AKAP7: variants seen among roughly 807,000 people sequenced by gnomAD.
AKAP7 encodes the protein A-kinase anchoring protein 7, also known as A kinase (PRKA) anchor protein 7.
In AKAP7, 39 loss-of-function variants were observed where a neutral mutation model predicts 39.5. The ratio of observed to expected loss-of-function variants is 0.99; its 90% confidence interval spans 0.76 to 1.29. The LOEUF is 1.29. Among genes scored for constraint, AKAP7 ranks in the 50% most tolerant of loss-of-function variants. The pLI is 0.00. For missense variants in AKAP7, 414 were observed against 407.7 expected, an observed-to-expected ratio of 1.02 and a Z score of -0.13; for synonymous variants, 140 against 139.1, an observed-to-expected ratio of 1.01 and a Z score of -0.05.
At chr6:131,188,344 A>T (rs1320975191) in intron 5 of AKAP7, among the ~76,000 whole-genome samples, 1 of 152,206 alleles carries the variant, frequency 6.6e-6, no homozygotes, top group Non-Finnish European at 1.5e-5. Flanking sequence ...AACAACAAAA[A>T]CAGCTTTATG....
Position 131,244,620 on chromosome 6 carries a change from A to G in AKAP7, c.850+24812A>G, listed in dbSNP as rs78144913. ...TGCCGTTAAATGTTGGGCCACACAC[A>G]TAGAAAAGAACTGACTGAATAGTAA... On this transcript the variant is annotated intron_variant, in intron 7 of 7. Coordinates refer to ENST00000431975, the MANE Select transcript of AKAP7 (RefSeq NM_016377.4). Among the ~76,000 whole-genome samples, 713 of 152,342 alleles carry G rather than the reference A, an allele frequency of 4.7e-3. 10 individuals are homozygous for G. The highest frequency in any genetic ancestry group is 0.016 in the African/African-American group (680 of 41,588).
rs34423413 is a variant in AKAP7 at position 131,281,688 on chromosome 6, G to C, written c.1009G>C (p.Asp337His). The C allele has an allele frequency of 1.2e-6, 2 of 1,612,256 alleles. No homozygotes were observed. Among genetic ancestry groups the C allele is most frequent in the Non-Finnish European group, 8.5e-7 (1 of 1,179,246 alleles). Reference protein sequence around the residue: ...EGSSVKTEAADQNGNDNENNR... With the variant: ...EGSSVKTEAAHQNGNDNENNR... ...GAGCTCTGTGAAAACCGAAGCAGCT[G>C]ATCAGAATGGCAATGACAATGAGAA... Residue 337 changes from aspartate to histidine, a missense_variant, in exon 8 of 8, where the codon GAT becomes CAT. By Grantham distance (81) the Asp-to-His change is moderately conservative. Transcript: ENST00000431975. This position sits in a 1 kb window ranked among gnomAD's most constrained non-coding sequence, Gnocchi z 4.0.
chr6:131,136,645 T>G (rs2222783), intron 1 of AKAP7, among the ~76,000 whole-genome samples: 63,256 of 152,064 alleles, frequency 0.42, 14,134 homozygotes, highest in East Asian at 0.92. Flanking sequence ...CTGTATATTT[T>G]CCTTACTCAT....
At chr6:131,253,585 C>T (rs1010048448) in intron 7 of AKAP7, among the ~76,000 whole-genome samples, 5 of 152,006 alleles carry the variant, frequency 3.3e-5, no homozygotes, top group African/African-American at 1.2e-4. Flanking sequence ...ACCTATTAAC[C>T]TCTCATCATC....
intron 7 of AKAP7, among the ~76,000 whole-genome samples, chr6:131,244,991 G>A (rs536876216): frequency 6.6e-6 from 1 of 152,266 alleles, no homozygotes; most frequent in South Asian, 2.1e-4. Context: ...TAAAGTAGGA[G>A]TAATGGTTTA....
At chr6:131,143,200 A>G (rs1375463670) in intron 1 of AKAP7, among the ~76,000 whole-genome samples, 1 of 152,028 alleles carries the variant, frequency 6.6e-6, no homozygotes, top group African/African-American at 2.4e-5. Flanking sequence ...TTGCAGTGAG[A>G]TTTAGGTGGC....
intron 7 of AKAP7, among the ~76,000 whole-genome samples, chr6:131,264,175 A>G (rs752641823): frequency 1.1e-4 from 16 of 152,328 alleles, no homozygotes; most frequent in Non-Finnish European, 1.8e-4. Flanking sequence ...TGTACAAGGA[A>G]GGTGAGAGCA....
chr6:131,262,736 C>T (rs1813454647), intron 7 of AKAP7, among the ~76,000 whole-genome samples: 1 of 152,128 alleles, frequency 6.6e-6, no homozygotes, highest in South Asian at 2.1e-4. Context: ...ACTAATCTTT[C>T]AATAGTTTTG....
intron 5 of AKAP7, among the ~76,000 whole-genome samples, chr6:131,195,991 A>G (rs1806887056): frequency 6.6e-6 from 1 of 152,070 alleles, no homozygotes; most frequent in Admixed American, 6.5e-5. Context: ...GTCTTTCTCC[A>G]GGTTTGGGAA....
At chr6:131,138,245 C>T (rs1427556111) in intron 1 of AKAP7, among the ~76,000 whole-genome samples, 1 of 152,164 alleles carries the variant, frequency 6.6e-6, no homozygotes, top group Non-Finnish European at 1.5e-5. Context: ...TGGCTTATTT[C>T]ACTTAACATA....
At position 131,154,440 on chromosome 6, in the gene AKAP7, G is replaced by A. The variant is rs1347962156; in HGVS notation, c.152-5619G>A. Reference sequence around the variant, plus strand: ...AACTGGAAGAGACCCCCTAGAGAGAGATTGTCTAAACGTTCCTCCCTGTCC... The same window carrying A: ...AACTGGAAGAGACCCCCTAGAGAGAAATTGTCTAAACGTTCCTCCCTGTCC... On this transcript the variant is annotated intron_variant, in intron 2 of 7. Coordinates refer to ENST00000431975, the MANE Select transcript of AKAP7 (RefSeq NM_016377.4). 2.0e-5 allele frequency among the ~76,000 whole-genome samples: 3 copies of A among 147,664 alleles called. No individual in the cohort carries two copies. In the South Asian group the frequency reaches 6.6e-4, roughly 32 times the overall value.
At chr6:131,166,180 C>T (rs1803470391) in intron 4 of AKAP7, among the ~76,000 whole-genome samples, 1 of 152,134 alleles carries the variant, frequency 6.6e-6, no homozygotes, top group Non-Finnish European at 1.5e-5. Context: ...AGCTGATGTA[C>T]CCAAAGCAGC....
intron 7 of AKAP7, among the ~76,000 whole-genome samples, chr6:131,255,445 C>T (rs1281713743): frequency 6.6e-6 from 1 of 152,200 alleles, no homozygotes; most frequent in African/African-American, 2.4e-5. Flanking sequence ...CACACTTAGA[C>T]TTTACATTCT....
intron 7 of AKAP7, among the ~76,000 whole-genome samples, chr6:131,253,652 A>G (rs556787578): frequency 1.4e-4 from 20 of 139,676 alleles, no homozygotes; most frequent in African/African-American, 4.1e-4. Context: ...TATCTCCATG[A>G]GATCTACTTA....
intron 7 of AKAP7, among the ~76,000 whole-genome samples, chr6:131,261,628 CTG>C (rs1430779212): frequency 6.6e-6 from 1 of 152,132 alleles, no homozygotes; most frequent in Non-Finnish European, 1.5e-5. Context: ...TGTAGTAAAA[CTG>C]TTAAATTTGA....
intron 2 of AKAP7, among the ~76,000 whole-genome samples, chr6:131,155,014 A>G (rs557512414): frequency 3.7e-5 from 2 of 54,594 alleles, no homozygotes; most frequent in Admixed American, 5.8e-4. Flanking sequence ...TGTTCCAAAG[A>G]TAGTATTTTT....
intron 7 of AKAP7, among the ~76,000 whole-genome samples, chr6:131,226,183 G>A (rs1349995667): frequency 6.6e-6 from 1 of 152,244 alleles, no homozygotes; most frequent in African/African-American, 2.4e-5. Context: ...CCTTTACACT[G>A]CCTACTTGGC....
intron 5 of AKAP7, among the ~76,000 whole-genome samples, chr6:131,186,692 G>A (rs1000276977): frequency 6.6e-6 from 1 of 152,184 alleles, no homozygotes; most frequent in African/African-American, 2.4e-5. Flanking sequence ...TCACCTAGTG[G>A]AAGGGGAGAA....
chr6:131,264,009 ATTATAAT>A (rs1169688750), intron 7 of AKAP7, among the ~76,000 whole-genome samples: 3 of 152,078 alleles, frequency 2.0e-5, no homozygotes, highest in African/African-American at 7.2e-5. Context: ...TTTACTTGCT[ATTATAAT>A]TTATGTTTCC....
Sources: gnomAD v4.1 joint callset for allele counts (sites outside exome capture counted in the v4.1 genomes callset) on GRCh38, gnomAD v4.1.1 for gene constraint, Gnocchi (gnomAD v3.1) non-coding constraint, MANE v1.5 for transcripts, NCBI Gene and HGNC (gene_info 2026-07-23, HGNC 2026-07-21) for gene names.